RCAN2: variants seen among roughly 807,000 people sequenced by gnomAD.
RCAN2 encodes the protein regulator of calcineurin 2, also known as calcipressin-2.
RCAN2 carries 9 observed loss-of-function variants against 23.6 expected under a neutral mutation model. The ratio of observed to expected loss-of-function variants is 0.38; its 90% CI spans 0.23 to 0.67. The LOEUF is 0.67. Ranked by LOEUF, RCAN2 falls within the 30% of genes least tolerant of loss-of-function variation. The pLI is 0.51. For missense variants in RCAN2, 273 were observed against 302.3 expected, an observed-to-expected ratio of 0.90 and a Z score of 0.72; for synonymous variants, 109 against 115.7, an observed-to-expected ratio of 0.94 and a Z score of 0.37.
chr6:46,446,323 A>G (rs371629809), intron 2 of RCAN2, among the ~76,000 whole-genome samples: 15 of 151,746 alleles, frequency 9.9e-5, no homozygotes, highest in Non-Finnish European at 1.5e-4. Flanking sequence ...TGCTGGGGGG[A>G]AACTGCCAAC....
intron 2 of RCAN2, among the ~76,000 whole-genome samples, chr6:46,281,757 G>T (rs906999219): frequency 6.6e-6 from 1 of 152,028 alleles, no homozygotes; most frequent in Non-Finnish European, 1.5e-5. Flanking sequence ...TATATGTTGG[G>T]CATTGTTCCA....
At chr6:46,464,870 C>CTT (rs1048286953) in intron 1 of RCAN2, among the ~76,000 whole-genome samples, 3 of 150,836 alleles carry the variant, frequency 2.0e-5, no homozygotes, top group South Asian at 2.1e-4. Flanking sequence ...TCAATTAATT[C>CTT]AATTCCCTGT....
intron 2 of RCAN2, among the ~76,000 whole-genome samples, chr6:46,260,038 C>T (rs1056535603): frequency 2.0e-5 from 3 of 152,144 alleles, no homozygotes; most frequent in Admixed American, 6.5e-5. Flanking sequence ...TTTATGAAGG[C>T]GTCCTTACAC....
rs1415560355 is a variant in RCAN2 at position 46,269,742 on chromosome 6, C to T, written c.226-20846G>A. On this transcript the variant is annotated intron_variant, in intron 2 of 4. Coordinates refer to ENST00000371374, the MANE Select transcript of RCAN2 (RefSeq NM_001251974.2). ...CTTCATTTAGGAGTGCTGTCAGGAT[C>T]AACACCTGTGGAGACCTGAGGGACC... is the stretch of plus-strand genomic sequence containing the variant. 2.6e-5 allele frequency among the ~76,000 whole-genome samples: 4 copies of T among 152,270 alleles called. No homozygotes were observed. The East Asian group carries it at 5.8e-4, about 22-fold the overall frequency.
Position 46,384,449 on chromosome 6 carries a change from C to T in RCAN2, c.225+72303G>A, listed in dbSNP as rs2150395007. Among the ~76,000 whole-genome samples, 2 of 152,314 alleles carry T rather than the reference C, an allele frequency of 1.3e-5. 1 individual carries two copies. Among genetic ancestry groups the T allele is most frequent in the East Asian group, 3.9e-4 (2 of 5,186 alleles). ...GTAAATTTTGAAGGTGTTCATATTC[C>T]TGCATCTCAAGTACAACATAATTAG... On this transcript the variant is annotated intron_variant, in intron 2 of 4. Coordinates refer to ENST00000371374, the MANE Select transcript of RCAN2 (RefSeq NM_001251974.2).
chr6:46,285,586 C>T (rs1762349678), intron 2 of RCAN2, among the ~76,000 whole-genome samples: 1 of 152,166 alleles, frequency 6.6e-6, no homozygotes. Flanking sequence ...GTAAGTTCTT[C>T]TAGTTGCTTG....
chr6:46,223,361 G>A, intron 4 of RCAN2, 60 bp from the exon 5 acceptor site: 1 of 1,499,044 alleles, frequency 6.7e-7, no homozygotes, highest in Non-Finnish European at 9.2e-7. Flanking sequence ...AGATCCTGGA[G>A]CAGGGTCTGC....
chr6:46,331,509 AAT>A (rs1763972960), intron 2 of RCAN2, among the ~76,000 whole-genome samples: 1 of 152,212 alleles, frequency 6.6e-6, no homozygotes, highest in Non-Finnish European at 1.5e-5. Context: ...GTGGGAGTTT[AAT>A]CAGGTTGGTT....
intron 2 of RCAN2, among the ~76,000 whole-genome samples, chr6:46,362,382 T>C (rs989070240): frequency 6.6e-6 from 1 of 152,066 alleles, no homozygotes; most frequent in Non-Finnish European, 1.5e-5. Context: ...ATTGGAGGTA[T>C]AATATAAGGA....
intron 2 of RCAN2, among the ~76,000 whole-genome samples, chr6:46,394,608 T>C (rs978133109): frequency 6.6e-6 from 1 of 152,220 alleles, no homozygotes; most frequent in African/African-American, 2.4e-5. Flanking sequence ...TTAAATTTTC[T>C]CTATAAAAAG....
At position 46,451,562 on chromosome 6, in the gene RCAN2, A is replaced by C. The variant is rs560310169; in HGVS notation, c.225+5190T>G. Among the ~76,000 whole-genome samples the C allele has an allele frequency of 6.2e-4, 94 of 152,310 alleles. 3 individuals carry two copies. The South Asian group carries it at 0.017, about 28-fold the overall frequency. On this transcript the variant is annotated intron_variant, in intron 2 of 4. Coordinates refer to ENST00000371374, the MANE Select transcript of RCAN2 (RefSeq NM_001251974.2). ...TCAAAGTAAACATCGACATTCTCCT[A>C]CAAACTAGAGTGAGGGGAACTCAGT...
chr6:46,355,653 T>C (rs569432166), intron 2 of RCAN2, among the ~76,000 whole-genome samples: 10 of 152,318 alleles, frequency 6.6e-5, no homozygotes, highest in Admixed American at 5.9e-4. Flanking sequence ...CAGTCTTTAA[T>C]GGAACTTTGG....
At chr6:46,414,319 T>C (rs1478087348) in intron 2 of RCAN2, among the ~76,000 whole-genome samples, 3 of 152,168 alleles carry the variant, frequency 2.0e-5, no homozygotes. Context: ...TAAAGTGTGG[T>C]AAGTGCTTAA....
intron 2 of RCAN2, among the ~76,000 whole-genome samples, chr6:46,403,572 CAAA>C (rs35037427): frequency 1.6e-5 from 2 of 122,608 alleles, no homozygotes; most frequent in African/African-American, 3.3e-5. Flanking sequence ...AACTCCGTAT[CAAA>C]AAAAAAAAAA....
At chr6:46,454,518 TC>T (rs2150431075) in intron 2 of RCAN2, among the ~76,000 whole-genome samples, 1 of 152,084 alleles carries the variant, frequency 6.6e-6, no homozygotes, top group South Asian at 2.1e-4. Context: ...CTAAAGACTG[TC>T]CACAAAAGGA....
intron 2 of RCAN2, 63 bp downstream of exon 2, chr6:46,456,689 C>A: frequency 8.1e-7 from 1 of 1,227,686 alleles, no homozygotes; most frequent in Middle Eastern, 1.9e-4. Flanking sequence ...AAATGAACAA[C>A]AGGATTACTT....
chr6:46,360,565 G>A (rs1370354819), intron 2 of RCAN2, among the ~76,000 whole-genome samples: 1 of 149,484 alleles, frequency 6.7e-6, no homozygotes, highest in African/African-American at 2.5e-5. Context: ...AAAAAAGAGG[G>A]CTTGATGTAG....
intron 2 of RCAN2, among the ~76,000 whole-genome samples, chr6:46,318,898 A>G (rs1341040348): frequency 6.6e-6 from 1 of 152,198 alleles, no homozygotes; most frequent in Non-Finnish European, 1.5e-5. Flanking sequence ...TAGACATTTT[A>G]TTCTCAAAAA....
chr6:46,455,622 C>T (rs191464559), intron 2 of RCAN2, among the ~76,000 whole-genome samples: 11 of 151,732 alleles, frequency 7.2e-5, no homozygotes, highest in Admixed American at 2.6e-4. Context: ...TTTGGGAGGC[C>T]GAGGCAGGCA....
Sources: gnomAD v4.1 joint callset for allele counts (sites outside exome capture counted in the v4.1 genomes callset) on GRCh38, gnomAD v4.1.1 for gene constraint, MANE v1.5 for transcripts, NCBI Gene and HGNC (gene_info 2026-07-23, HGNC 2026-07-21) for gene names.